The following KIF6 variants were observed in gnomAD, a reference collection of about 807,000 sequenced individuals.
The protein encoded by KIF6 is kinesin-like protein KIF6.
In KIF6, 106 loss-of-function variants were observed where a neutral mutation model predicts 112.7. The observed-to-expected ratio is 0.94, with a 90% CI of 0.80 to 1.11. KIF6 has a LOEUF of 1.11. Among genes scored for constraint, KIF6 ranks in the 50% least tolerant of loss-of-function variants. The pLI, the probability that KIF6 is intolerant of heterozygous loss-of-function variation, is 0.00. For synonymous variants in KIF6, 339 were observed against 339.9 expected, an observed-to-expected ratio of 1.00 and a Z score of 0.03; for missense variants, 929 against 964.0, an observed-to-expected ratio of 0.96 and a Z score of 0.48.
intron 10 of KIF6, among the ~76,000 whole-genome samples, chr6:39,550,358 G>A (rs990767292): frequency 2.6e-5 from 4 of 152,272 alleles, no homozygotes; most frequent in South Asian, 2.1e-4. Context: ...AATGCTGGCT[G>A]TTTCCAAATA....
intron 6 of KIF6, among the ~76,000 whole-genome samples, chr6:39,601,711 GACAC>G (rs10532285): frequency 0.16 from 23,619 of 146,642 alleles, 2,051 homozygotes; most frequent in African/African-American, 0.24. Context: ...ATTTCTTTGG[GACAC>G]ACACACACAC....
intron 13 of KIF6, among the ~76,000 whole-genome samples, chr6:39,436,811 A>G (rs1420724015): frequency 2.0e-5 from 3 of 151,824 alleles, no homozygotes; most frequent in Non-Finnish European, 4.4e-5. Context: ...ATTCCTCCAG[A>G]TTTGTTCTTT....
chr6:39,360,630 C>A (rs116670531), intron 17 of KIF6, 100 bp from the exon 18 acceptor site: 1 of 1,377,580 alleles, frequency 7.3e-7, no homozygotes, highest in East Asian at 2.3e-5. Context: ...AGAATCCCGT[C>A]AGAGCTGCCC....
intron 7 of KIF6, among the ~76,000 whole-genome samples, chr6:39,593,907 A>T (rs1782091588): frequency 1.3e-5 from 2 of 152,238 alleles, no homozygotes; most frequent in African/African-American, 4.8e-5. Context: ...CCTGGCTTAC[A>T]GCCACATACT....
rs1269186236 is a variant in KIF6 at position 39,357,652 on chromosome 6, T to C, written c.2083-278A>G. 2.0e-5 allele frequency among the ~76,000 whole-genome samples: 3 copies of C among 152,250 alleles called. No individual in the cohort carries two copies. The East Asian group carries it at 5.8e-4, about 29-fold the overall frequency. On this transcript the variant is annotated intron_variant, in intron 18 of 22. Coordinates refer to ENST00000287152, the MANE Select transcript of KIF6 (RefSeq NM_145027.6). Reference sequence around the variant, plus strand: ...ATAGTAGAGACGGTGTTTTGCCATGTTGGCCAGGCTGGTCTCGAACTCCTG... The same window carrying C: ...ATAGTAGAGACGGTGTTTTGCCATGCTGGCCAGGCTGGTCTCGAACTCCTG...
intron 3 of KIF6, among the ~76,000 whole-genome samples, chr6:39,655,765 A>C (rs1785747711): frequency 6.6e-6 from 1 of 152,156 alleles, no homozygotes; most frequent in Non-Finnish European, 1.5e-5. Context: ...TTTTATCTCA[A>C]CAATTTATTT....
intron 11 of KIF6, 89 bp downstream of exon 11, chr6:39,545,494 A>G: frequency 2.5e-6 from 2 of 807,438 alleles, no homozygotes; most frequent in Non-Finnish European, 4.2e-6. Context: ...CTGGATCCTA[A>G]CCTTCCAAGA....
chr6:39,571,052 G>A (rs186677282), intron 10 of KIF6, among the ~76,000 whole-genome samples: 1 of 152,220 alleles, frequency 6.6e-6, no homozygotes, highest in Admixed American at 6.5e-5. Flanking sequence ...ACCTTCCTCT[G>A]AAGTTCCAGA....
rs113886613 is a variant in KIF6 at position 39,575,706 on chromosome 6, G to A, written c.1181+2350C>T. 3.2e-3 allele frequency among the ~76,000 whole-genome samples: 487 copies of A among 152,242 alleles called. 2 individuals are homozygous for A. Among genetic ancestry groups the A allele is most frequent in the Non-Finnish European group, 5.4e-3 (364 of 68,006 alleles). ...TCTCTCCATTCTTAACACTGCAGAG[G>A]AGGAGGGCTCAGGAGTTCACAGGAC... is the stretch of plus-strand genomic sequence containing the variant. On this transcript the variant is annotated intron_variant, in intron 10 of 22. Coordinates refer to ENST00000287152, the MANE Select transcript of KIF6 (RefSeq NM_145027.6).
intron 13 of KIF6, among the ~76,000 whole-genome samples, chr6:39,455,100 C>T (rs1581894409): frequency 6.6e-6 from 1 of 152,216 alleles, no homozygotes; most frequent in Middle Eastern, 3.4e-3. Flanking sequence ...GCAGTAACCT[C>T]TGCAGACTTA....
chr6:39,674,854 A>T (rs1787042253), intron 3 of KIF6, among the ~76,000 whole-genome samples: 1 of 150,674 alleles, frequency 6.6e-6, no homozygotes, highest in African/African-American at 2.4e-5. Flanking sequence ...AGCTAGAATG[A>T]GAGAACCAAA....
At chr6:39,511,024 A>G (rs1776754080) in intron 13 of KIF6, among the ~76,000 whole-genome samples, 1 of 152,154 alleles carries the variant, frequency 6.6e-6, no homozygotes, top group South Asian at 2.1e-4. Flanking sequence ...TATCCTAAAT[A>G]TATATGCACC....
Position 39,610,119 on chromosome 6 carries a change from C to T in KIF6, c.639+3070G>A, listed in dbSNP as rs1364414905. ...TGATGACTTGATAGAAATATTTCAGCTATAAGACAAAAAAAGTATCAAGTT... is the reference window on the plus strand; with the variant it reads ...TGATGACTTGATAGAAATATTTCAGTTATAAGACAAAAAAAGTATCAAGTT... On this transcript the variant is annotated intron_variant, in intron 6 of 22. Coordinates refer to ENST00000287152, the MANE Select transcript of KIF6 (RefSeq NM_145027.6). 3.9e-5 allele frequency among the ~76,000 whole-genome samples: 6 copies of T among 152,076 alleles called. No individual in the cohort carries two copies. In the East Asian group the frequency reaches 5.8e-4, roughly 15 times the overall value.
intron 22 of KIF6, 140 bp from the exon 23 acceptor site, chr6:39,336,688 G>A (rs1361992369): frequency 2.7e-6 from 2 of 747,242 alleles, no homozygotes. Flanking sequence ...CCTCCCAGGA[G>A]CTGCATTTAT....
At chr6:39,653,153 G>A (rs1240901594) in intron 3 of KIF6, among the ~76,000 whole-genome samples, 1 of 152,138 alleles carries the variant, frequency 6.6e-6, no homozygotes, top group Non-Finnish European at 1.5e-5. Flanking sequence ...TGCTGACACA[G>A]CCTGTAGCAA....
intron 19 of KIF6, among the ~76,000 whole-genome samples, chr6:39,354,968 A>C (rs946237937): frequency 4.6e-5 from 7 of 152,196 alleles, no homozygotes; most frequent in Admixed American, 6.5e-5. Context: ...ACTTGAGCCA[A>C]GAAATTCAAG....
intron 5 of KIF6, among the ~76,000 whole-genome samples, chr6:39,621,436 G>A (rs1050998852): frequency 2.6e-5 from 4 of 152,104 alleles, no homozygotes; most frequent in Non-Finnish European, 5.9e-5. Context: ...CTGGCCTCCC[G>A]CCATGTGCTA....
intron 13 of KIF6, among the ~76,000 whole-genome samples, chr6:39,440,728 A>T (rs1339596757): frequency 6.6e-6 from 1 of 152,204 alleles, no homozygotes. Flanking sequence ...GAGACAAGGC[A>T]GAGCTGAGGA....
At position 39,720,762 on chromosome 6, in the gene KIF6, A is replaced by G; in HGVS notation, c.116T>C (p.Ile39Thr). 6.2e-7 allele frequency: 1 copy of G among 1,609,370 alleles called. No individual in the cohort carries two copies. The highest frequency in any genetic ancestry group is 8.5e-7 in the Non-Finnish European group (1 of 1,175,784). The stretch of plus-strand genomic sequence containing the variant: ...CCCATCTGCCAAATCACGTGGTAAG[A>G]TGATTTCCAAGCTAGGTATTAATTT... Reference protein sequence around the residue: ...DEKLIPSLEIILPRDLADGFV... With the variant: ...DEKLIPSLEITLPRDLADGFV... The change falls in exon 2 of 23, where the codon ATC becomes ACC. Residue 39 changes from isoleucine to threonine, a missense_variant. Transcript: ENST00000287152.
Sources: gnomAD v4.1 joint callset for allele counts (sites outside exome capture counted in the v4.1 genomes callset) on GRCh38, gnomAD v4.1.1 for gene constraint, MANE v1.5 for transcripts, NCBI Gene and HGNC (gene_info 2026-07-23, HGNC 2026-07-21) for gene names.